SLC5A1: variants seen among roughly 807,000 people sequenced by gnomAD.
The protein encoded by SLC5A1 is sodium/glucose cotransporter 1.
A neutral mutation model predicts 73.5 loss-of-function variants in SLC5A1; 42 were observed. The ratio of observed to expected loss-of-function variants is 0.57; its 90% CI spans 0.45 to 0.74. The LOEUF (loss-of-function observed/expected upper bound fraction) is 0.74, where lower values mean the gene tolerates loss of function less well. Among genes scored for constraint, SLC5A1 ranks in the 30% least tolerant of loss-of-function variants. The pLI, the probability that SLC5A1 is intolerant of heterozygous loss-of-function variation, is 0.00. For synonymous variants in SLC5A1, 300 were observed against 317.4 expected (o/e 0.95, Z 0.58); for missense variants, 634 against 855.4 (o/e 0.74, Z 3.23).
At position 32,049,994 on chromosome 22, in the gene SLC5A1, C is replaced by T. The variant is rs202166715; in HGVS notation, c.187C>T (p.Arg63Ter). 17 of 1,613,884 alleles carry T rather than the reference C, an allele frequency of 1.1e-5. No homozygotes were observed. The highest frequency in any genetic ancestry group is 2.7e-5 in the African/African-American group (2 of 74,880). Reference protein sequence around the residue: ...GTVGGFFLAGRSMVWWPIGAS... With the variant: ...GTVGGFFLAG The stretch of plus-strand genomic sequence containing the variant: ...TGTTGGAGGCTTCTTCCTGGCAGGC[C>T]GAAGTATGGTGTGGTGGCCGGTAAG... The change falls in exon 2 of 15, where the codon CGA becomes TGA. Residue 63 changes from arginine (R) to a stop codon, truncating the protein, a stop_gained. Coordinates refer to ENST00000266088, the MANE Select transcript of SLC5A1 (RefSeq NM_000343.4). LOFTEE classifies it high-confidence loss of function.
At chr22:32,094,359 T>C (rs2094022943) in intron 11 of SLC5A1, among the ~76,000 whole-genome samples, 1 of 152,194 alleles carries the variant, frequency 6.6e-6, no homozygotes, top group African/African-American at 2.4e-5. Flanking sequence ...CTTCATAGAA[T>C]GATTTAGGGA....
chr22:32,085,122 CTCT>C lies in SLC5A1; in HGVS notation c.1021+89_1021+91del, dbSNP rs2094006031. Reference sequence around the variant, plus strand: ...AAGCTCTATAGCTTCCCGCTTCCTCCTCTTTTTTTTTGAGACCAGGTCTCACTC... The same window carrying C: ...AAGCTCTATAGCTTCCCGCTTCCTCCTTTTTTTTGAGACCAGGTCTCACTC... On this transcript the variant is annotated intron_variant, in intron 9 of 14. Coordinates refer to ENST00000266088, the MANE Select transcript of SLC5A1 (RefSeq NM_000343.4). 14 of 1,535,200 alleles carry C rather than the reference CTCT, an allele frequency of 9.1e-6. No individual in the cohort carries two copies. The South Asian group carries it at 1.6e-4, about 17-fold the overall frequency.
intron 4 of SLC5A1, among the ~76,000 whole-genome samples, 164 bp downstream of exon 4, chr22:32,068,190 A>G (rs1450744326): frequency 2.0e-5 from 3 of 152,130 alleles, no homozygotes; most frequent in Non-Finnish European, 4.4e-5. Flanking sequence ...GTGGCATTAT[A>G]TGGATATATT....
intron 5 of SLC5A1, among the ~76,000 whole-genome samples, chr22:32,069,258 G>T (rs756944687): frequency 5.3e-4 from 80 of 152,214 alleles, no homozygotes; most frequent in Non-Finnish European, 1.0e-3. Context: ...GGTTACCAGG[G>T]TCTGGGGGTG....
chr22:32,109,164 ACT>A (rs2094051734), intron 14 of SLC5A1, among the ~76,000 whole-genome samples: 1 of 152,040 alleles, frequency 6.6e-6, no homozygotes, highest in Non-Finnish European at 1.5e-5. Flanking sequence ...ACAGAGCAAG[ACT>A]CTGTCTCTTA....
At chr22:32,082,114 A>C in intron 6 of SLC5A1, 143 bp downstream of exon 6, 1 of 701,502 alleles carries the variant, frequency 1.4e-6, no homozygotes, top group Non-Finnish European at 2.6e-6. Flanking sequence ...GTATTTGCTT[A>C]GTACCAACTC....
chr22:32,099,303 T>G lies in SLC5A1; in HGVS notation c.1401T>G (p.Ile467Met), dbSNP rs769213007. Residue 467 changes from isoleucine (I) to methionine (M), a missense_variant, in exon 12 of 15, where the codon ATT becomes ATG. By Grantham distance (10) the Ile-to-Met change is conservative. Around this residue, in one of 3 missense-constraint regions of SLC5A1, gnomAD observed 422 missense variants for 626.1 expected, o/e 0.67. Transcript: ENST00000266088. Reference sequence around the variant, plus strand: ...TCACCAGTTACTTGGGACCACCCATTGCGGCTGTCTTCCTGCTTGCTATTT... The same window carrying G: ...TCACCAGTTACTTGGGACCACCCATGGCGGCTGTCTTCCTGCTTGCTATTT... ...QSITSYLGPP[I>M]AAVFLLAIFW... 4 of 1,613,470 alleles carry G rather than the reference T, an allele frequency of 2.5e-6. No individual in the cohort carries two copies. The highest frequency in any genetic ancestry group is 3.4e-6 in the Non-Finnish European group (4 of 1,179,754).
At chr22:32,097,972 C>T (rs1414374374) in intron 11 of SLC5A1, among the ~76,000 whole-genome samples, 1 of 152,152 alleles carries the variant, frequency 6.6e-6, no homozygotes, top group Non-Finnish European at 1.5e-5. Context: ...GTATTCAATG[C>T]CATCACTAGG....
chr22:32,059,117 A>G (rs2093956337), intron 2 of SLC5A1: 1 of 985,378 alleles, frequency 1.0e-6, no homozygotes. Context: ...GAGAGCCTGG[A>G]GTGCCTGAAA....
intron 11 of SLC5A1, among the ~76,000 whole-genome samples, chr22:32,092,279 T>A (rs1349269305): frequency 6.6e-6 from 1 of 152,200 alleles, no homozygotes; most frequent in Non-Finnish European, 1.5e-5. Flanking sequence ...CATTAATTCG[T>A]TCCTTTTTAT....
chr22:32,051,028 G>C (rs1216932495), intron 2 of SLC5A1, among the ~76,000 whole-genome samples: 1 of 152,170 alleles, frequency 6.6e-6, no homozygotes, highest in Non-Finnish European at 1.5e-5. Flanking sequence ...GCTTCGAAGG[G>C]GAATTCCCCA....
rs1382404851 is a variant in SLC5A1 at position 32,099,106 on chromosome 22, ATATATATATAT to A, written c.1281-76_1281-66del. 29 of 71,394 alleles carry A rather than the reference ATATATATATAT, an allele frequency of 4.1e-4. No individual in the cohort carries two copies. In the South Asian group the frequency reaches 4.3e-3, roughly 11 times the overall value. 4.4% of individuals were successfully genotyped at this position (71,394 alleles called of 1,614,324 possible). The stretch of plus-strand genomic sequence containing the variant: ...TCTCAAAAAAAAAAAAAAAAAAAAA[ATATATATATAT>A]ATATATATATATATACTCATGTAGA... On this transcript the variant is annotated intron_variant, in intron 11 of 14. Transcript: ENST00000266088.
chr22:32,057,418 A>C (rs1186182942), intron 2 of SLC5A1, among the ~76,000 whole-genome samples: 3 of 152,114 alleles, frequency 2.0e-5, no homozygotes, highest in Non-Finnish European at 4.4e-5. Flanking sequence ...AGACAGTGCC[A>C]CTGCACCCAG....
rs2094054029 is a variant in SLC5A1, at chr22:32,110,252, T to TTGA, written c.*40_*41insGAT. ...CTGTAGATTTACCATGGCTGGACTC[T>TTGA]TACTCACCTTCCTTTAGTCTCGTCC... On this transcript the variant is annotated 3_prime_UTR_variant, in exon 15 of 15. Transcript: ENST00000266088. 6.9e-7 allele frequency: 1 copy of TTGA among 1,449,786 alleles called. No homozygotes were observed. Among genetic ancestry groups the TTGA allele is most frequent in the Non-Finnish European group, 9.7e-7 (1 of 1,031,746 alleles). 89.8% of individuals were successfully genotyped at this position (1,449,786 alleles called of 1,614,324 possible).
chr22:32,104,617 A>G (rs990948723), intron 13 of SLC5A1, among the ~76,000 whole-genome samples, 169 bp from the exon 14 acceptor site: 3 of 152,216 alleles, frequency 2.0e-5, no homozygotes, highest in Admixed American at 6.5e-5. Flanking sequence ...CTAAGTTACC[A>G]ATGTTTTTAG....
chr22:32,064,266 C>A (rs996943644), intron 2 of SLC5A1, among the ~76,000 whole-genome samples: 2 of 151,910 alleles, frequency 1.3e-5, no homozygotes, highest in African/African-American at 4.8e-5. Flanking sequence ...GAGGCCAAGG[C>A]GGATGGATTG....
At chr22:32,055,167 C>T (rs566264607) in intron 2 of SLC5A1, among the ~76,000 whole-genome samples, 1 of 152,262 alleles carries the variant, frequency 6.6e-6, no homozygotes, top group African/African-American at 2.4e-5. Flanking sequence ...TGATTTCTTG[C>T]CCCTTTGTTT....
chr22:32,084,799 G>A, intron 8 of SLC5A1, 101 bp from the exon 9 acceptor site: 1 of 1,558,896 alleles, frequency 6.4e-7, no homozygotes. Flanking sequence ...CAGTGATACA[G>A]CAGTGCCAGG....
intron 2 of SLC5A1, among the ~76,000 whole-genome samples, chr22:32,053,445 G>C (rs1399961656): frequency 2.0e-5 from 3 of 148,414 alleles, no homozygotes. Flanking sequence ...TTTTTTGGTG[G>C]AATCACTTCC....
Sources: gnomAD v4.1 joint callset for allele counts (sites outside exome capture counted in the v4.1 genomes callset) on GRCh38, gnomAD v4.1.1 for gene constraint, gnomAD v4.1.1 regional missense constraint, MANE v1.5 for transcripts, NCBI Gene and HGNC (gene_info 2026-07-23, HGNC 2026-07-21) for gene names.